Variants in C16orf74 observed in about 807,000 individuals in gnomAD.
The protein encoded by C16orf74 is uncharacterized protein C16orf74.
In C16orf74, 10 loss-of-function variants were observed where a neutral mutation model predicts 6.5. The ratio of observed to expected loss-of-function variants is 1.54; its 90% CI spans 0.95 to 2.61. The LOEUF is 2.61. C16orf74 is among the 30% of genes most tolerant of loss of function. The pLI is 0.00. For synonymous variants in C16orf74, 60 were observed against 42.5 expected (o/e 1.41, Z -1.60); for missense variants, 141 against 105.9 (o/e 1.33, Z -1.45).
At chr16:85,735,417 T>C (rs922043032) in intron 1 of C16orf74, among the ~76,000 whole-genome samples, 182 bp from the exon 2 acceptor site, 1 of 152,180 alleles carries the variant, frequency 6.6e-6, no homozygotes, top group Non-Finnish European at 1.5e-5. Flanking sequence ...TGCTCAAAGA[T>C]GGAGTCTGTG....
At position 85,710,186 on chromosome 16, in the gene C16orf74, C is replaced by A. The variant is rs1422357923; in HGVS notation, c.150G>T (p.Leu50=). ...CACCTGTGCTCCCCAAGTCCCTCGGCAGCATCATGCCCGTGGGGGTGGGGG... is the reference window on the plus strand; with the variant it reads ...CACCTGTGCTCCCCAAGTCCCTCGGAAGCATCATGCCCGTGGGGGTGGGGG... ...ITPPTPTGMM[L]PRDLGSTVWL... The change falls in exon 3 of 4, where the codon CTG becomes CTT. Residue 50 remains leucine (L), a synonymous_variant. Coordinates refer to ENST00000284245, the MANE Select transcript of C16orf74 (RefSeq NM_206967.3). 5 of 1,473,938 alleles carry A rather than the reference C, an allele frequency of 3.4e-6. No homozygotes were observed. The highest frequency in any genetic ancestry group is 4.5e-6 in the Non-Finnish European group (5 of 1,123,108). 91.3% of individuals were successfully genotyped at this position (1,473,938 alleles called of 1,614,324 possible). A position where few individuals can be genotyped will look rare whatever the true frequency, so the allele number is the denominator to read the frequency against.
chr16:85,734,687 G>A (rs1190061131), intron 2 of C16orf74, among the ~76,000 whole-genome samples: 2 of 152,216 alleles, frequency 1.3e-5, no homozygotes, highest in East Asian at 3.8e-4. Context: ...AGGTGCCCCA[G>A]GGCCATCCAC....
intron 2 of C16orf74, among the ~76,000 whole-genome samples, chr16:85,734,171 T>C (rs1006560518): frequency 2.0e-5 from 3 of 152,192 alleles, no homozygotes; most frequent in African/African-American, 7.2e-5. Flanking sequence ...AAGGATGGGC[T>C]ACAGAGCCTG....
intron 2 of C16orf74, among the ~76,000 whole-genome samples, chr16:85,725,282 G>C (rs926804809): frequency 1.3e-5 from 2 of 151,974 alleles, no homozygotes; most frequent in African/African-American, 4.8e-5. Flanking sequence ...GTTCCAGAAA[G>C]AGCCCTGGAA....
intron 3 of C16orf74, among the ~76,000 whole-genome samples, chr16:85,709,426 G>GT (rs1253096328): frequency 2.0e-5 from 3 of 152,012 alleles, no homozygotes; most frequent in Non-Finnish European, 2.9e-5. Flanking sequence ...GAGAATTCCT[G>GT]TAAGAACTAA....
chr16:85,749,470 G>A (rs150972808), intron 1 of C16orf74, among the ~76,000 whole-genome samples: 1 of 151,348 alleles, frequency 6.6e-6, no homozygotes, highest in African/African-American at 2.4e-5. Context: ...TTTAGTAGCT[G>A]GGGGGACTCA....
chr16:85,749,065 G>A (rs919484841), intron 1 of C16orf74, among the ~76,000 whole-genome samples: 1 of 151,644 alleles, frequency 6.6e-6, no homozygotes, highest in African/African-American at 2.4e-5. Flanking sequence ...ACAGGTGTGA[G>A]CCACTGTGCC....
chr16:85,735,281 T>C (rs2054231982), intron 1 of C16orf74, 46 bp from the exon 2 acceptor site: 2 of 1,450,068 alleles, frequency 1.4e-6, no homozygotes, highest in East Asian at 2.5e-5. Context: ...CGCGACTTGT[T>C]TGTATTGGCC....
rs549938849 is a variant in C16orf74, at chr16:85,724,745, A to C, written c.28+10445T>G. On this transcript the variant is annotated intron_variant, in intron 2 of 3. Transcript: ENST00000284245. ...GGGTCAGTCCGAGGAGGGTCTCCAT[A>C]TGGTGCCTAAGGCTGAGAGCACATT... Among the ~76,000 whole-genome samples, 15 of 152,298 alleles carry C rather than the reference A, an allele frequency of 9.8e-5. No individual in the cohort carries two copies. In the South Asian group the frequency reaches 3.1e-3, roughly 32 times the overall value.
intron 1 of C16orf74, among the ~76,000 whole-genome samples, chr16:85,740,140 G>A (rs1598805654): frequency 6.7e-6 from 1 of 148,494 alleles, no homozygotes. Context: ...AACCCAGGAG[G>A]CAGAGGTTGT....
At chr16:85,742,201 C>T (rs571407429) in intron 1 of C16orf74, among the ~76,000 whole-genome samples, 3 of 152,232 alleles carry the variant, frequency 2.0e-5, no homozygotes, top group South Asian at 4.1e-4. Context: ...GGCAAAACCC[C>T]GTCTCTACTA....
chr16:85,707,742 G>A lies in C16orf74; in HGVS notation c.*266C>T. ...CTGGGACCCCAACAGCCAGGACCATGGCGCTCCCTTTCACCAGGCCGGAGT... is the reference window on the plus strand; with the variant it reads ...CTGGGACCCCAACAGCCAGGACCATAGCGCTCCCTTTCACCAGGCCGGAGT... On this transcript the variant is annotated 3_prime_UTR_variant, in exon 4 of 4. Coordinates refer to ENST00000284245, the MANE Select transcript of C16orf74 (RefSeq NM_206967.3). 1 of 499,892 alleles carries A rather than the reference G, an allele frequency of 2.0e-6. No homozygotes were observed. Among genetic ancestry groups the A allele is most frequent in the African/African-American group, 2.0e-5 (1 of 50,148 alleles). 31.0% of individuals were successfully genotyped at this position (499,892 alleles called of 1,614,324 possible).
intron 1 of C16orf74, among the ~76,000 whole-genome samples, chr16:85,742,481 C>G (rs1459344975): frequency 6.6e-6 from 1 of 152,188 alleles, no homozygotes; most frequent in Non-Finnish European, 1.5e-5. Flanking sequence ...TGGAAGCAGC[C>G]TGAGGCCCTC....
At chr16:85,745,976 T>C (rs548052996) in intron 1 of C16orf74, among the ~76,000 whole-genome samples, 1 of 152,276 alleles carries the variant, frequency 6.6e-6, no homozygotes, top group African/African-American at 2.4e-5. Flanking sequence ...CAGAGAGAGA[T>C]GGCCAGGTAA....
chr16:85,747,220 A>C (rs148217924), intron 1 of C16orf74, among the ~76,000 whole-genome samples: 1 of 152,296 alleles, frequency 6.6e-6, no homozygotes, highest in African/African-American at 2.4e-5. Context: ...ACATCAATAA[A>C]AACATTTATC....
chr16:85,735,167 G>A, intron 2 of C16orf74, 23 bp downstream of exon 2: 1 of 1,596,318 alleles, frequency 6.3e-7, no homozygotes, highest in East Asian at 2.3e-5. Context: ...GAGAGCTGGT[G>A]GGGGCAGAGC....
At chr16:85,722,480 A>G (rs1457661744) in intron 2 of C16orf74, among the ~76,000 whole-genome samples, 1 of 152,160 alleles carries the variant, frequency 6.6e-6, no homozygotes, top group Non-Finnish European at 1.5e-5. Flanking sequence ...AGCTCCAGGT[A>G]GGAGCAACAT....
intron 1 of C16orf74, among the ~76,000 whole-genome samples, chr16:85,735,540 G>C (rs992921635): frequency 6.6e-6 from 1 of 152,192 alleles, no homozygotes; most frequent in Non-Finnish European, 1.5e-5. Context: ...AGGCTGCAGT[G>C]AACTGATGAT....
chr16:85,720,631 C>G (rs1168885293), intron 2 of C16orf74, among the ~76,000 whole-genome samples: 2 of 151,820 alleles, frequency 1.3e-5, no homozygotes, highest in Admixed American at 6.6e-5. Context: ...TTTAAATTAG[C>G]CAGATGTGGT....
Sources: gnomAD v4.1 joint callset for allele counts (sites outside exome capture counted in the v4.1 genomes callset) on GRCh38, gnomAD v4.1.1 for gene constraint, MANE v1.5 for transcripts, NCBI Gene and HGNC (gene_info 2026-07-23, HGNC 2026-07-21) for gene names.